Variants in AVEN observed in about 807,000 individuals in gnomAD.
AVEN encodes the protein apoptosis and caspase activation inhibitor.
Under a neutral mutation model 38.1 loss-of-function variants are expected in AVEN, and 41 were observed. That is an observed-to-expected ratio of 1.08 (90% confidence interval 0.84 to 1.40). The LOEUF is 1.40. AVEN is among the 40% of genes most tolerant of loss of function. AVEN has a pLI of 0.00. For synonymous variants in AVEN, 206 were observed against 171.8 expected (o/e 1.20, Z -1.56); for missense variants, 605 against 438.8 (o/e 1.38, Z -3.38).
At chr15:33,921,522 T>C (rs138374337) in intron 2 of AVEN, among the ~76,000 whole-genome samples, 3 of 152,252 alleles carry the variant, frequency 2.0e-5, no homozygotes, top group East Asian at 1.9e-4. Flanking sequence ...CAGCAATATA[T>C]AGTTGGCAAA....
upstream of AVEN, among the ~76,000 whole-genome samples, chr15:34,039,624 G>T (rs1421396002): frequency 1.3e-5 from 2 of 152,184 alleles, no homozygotes; most frequent in African/African-American, 4.8e-5. Context: ...TGTGTCTGGT[G>T]AGAGGTGGAC....
rs796352918 is a variant in AVEN at position 33,907,788 on chromosome 15, TAAA to T, written c.446-31796_446-31794del. Among the ~76,000 whole-genome samples, 3 of 107,750 alleles carry T rather than the reference TAAA, an allele frequency of 2.8e-5. No individual in the cohort carries two copies. In the Admixed American group the frequency reaches 2.9e-4, roughly 10 times the overall value. The allele number at this position is 107,750 out of a possible 152,430, so 70.7% of individuals were successfully genotyped here. A position where few individuals can be genotyped will look rare whatever the true frequency, so the allele number is the denominator to read the frequency against. On this transcript the variant is annotated intron_variant, in intron 2 of 5. Transcript: ENST00000306730. ...TCCTAATCCACAAAATTCCCAGCAC[TAAA>T]AAAAAAAAAAAAACTATATGGAGTA... is the stretch of plus-strand genomic sequence containing the variant.
intron 2 of AVEN, among the ~76,000 whole-genome samples, chr15:34,067,910 A>G (rs1900549805): frequency 6.6e-6 from 1 of 152,222 alleles, no homozygotes; most frequent in Non-Finnish European, 1.5e-5. Flanking sequence ...CTCTTGCCCA[A>G]TAAAGACCCC....
chr15:34,011,569 A>T (rs1897639684), intron 1 of AVEN, among the ~76,000 whole-genome samples: 1 of 152,220 alleles, frequency 6.6e-6, no homozygotes, highest in Admixed American at 6.5e-5. Context: ...TAGCAAAAGA[A>T]GTATATACAG....
intron 2 of AVEN, 76 bp downstream of exon 2, chr15:34,002,956 G>C (rs1219551049): frequency 7.8e-7 from 1 of 1,289,152 alleles, no homozygotes; most frequent in Non-Finnish European, 1.1e-6. Flanking sequence ...TATAAAAGTA[G>C]AATTTAAAAA....
chr15:33,864,767 G>C (rs1160297898), downstream of AVEN: 1 of 206,546 alleles, frequency 4.8e-6, no homozygotes, highest in Non-Finnish European at 9.8e-6. Flanking sequence ...CTGGTTTCCA[G>C]CTCTGGATTC....
intron 2 of AVEN, among the ~76,000 whole-genome samples, chr15:33,900,383 C>A (rs1407691711): frequency 2.0e-5 from 3 of 151,432 alleles, no homozygotes; most frequent in Non-Finnish European, 4.4e-5. Context: ...TCACAGCTTA[C>A]TGCAGCCTCA....
At chr15:33,995,212 T>C (rs1025610554) in intron 2 of AVEN, among the ~76,000 whole-genome samples, 3 of 152,086 alleles carry the variant, frequency 2.0e-5, no homozygotes, top group African/African-American at 7.2e-5. Context: ...TGCAGTGAGC[T>C]ATGATCATGC....
chr15:34,016,259 C>G (rs948336965), intron 1 of AVEN, among the ~76,000 whole-genome samples: 1 of 152,074 alleles, frequency 6.6e-6, no homozygotes, highest in Non-Finnish European at 1.5e-5. Context: ...AAAACAAAAC[C>G]GGAAAGCAAC....
chr15:33,863,341 G>C (rs1889202998), downstream of AVEN, among the ~76,000 whole-genome samples: 1 of 152,264 alleles, frequency 6.6e-6, no homozygotes, highest in Non-Finnish European at 1.5e-5. Flanking sequence ...AACATACTTA[G>C]AGCTGCTACT....
rs1597366797 is a variant in AVEN at position 34,026,336 on chromosome 15, T to C, written c.267+12444A>G. On this transcript the variant is annotated intron_variant, in intron 1 of 5. Transcript: ENST00000306730. ...TTTTTCCTACTATGTGACAGCAAAA[T>C]AGATGAAGCTTTTAACCTCAGGGTG... is the stretch of plus-strand genomic sequence containing the variant. Among the ~76,000 whole-genome samples the C allele has an allele frequency of 4.6e-5, 7 of 152,160 alleles. No individual in the cohort carries two copies. The South Asian group carries it at 1.2e-3, about 27-fold the overall frequency.
In AVEN at chr15:33,887,129, G is replaced by A. The variant is rs887752016; in HGVS notation, c.446-11134C>T. On this transcript the variant is annotated intron_variant, in intron 2 of 5. Transcript: ENST00000306730. ...CAAAGTATGTAAGATAATTTTTTTC[G>A]GGTGGCCATGAGTCCAGATAAGAAT... Among the ~76,000 whole-genome samples the A allele has an allele frequency of 5.9e-5, 9 of 151,742 alleles. 1 individual carries two copies. Among genetic ancestry groups the A allele is most frequent in the Admixed American group, 4.6e-4 (7 of 15,224 alleles).
chr15:33,861,907 G>C (rs1034530447), downstream of AVEN, among the ~76,000 whole-genome samples: 13 of 152,048 alleles, frequency 8.5e-5, no homozygotes, highest in African/African-American at 2.9e-4. Flanking sequence ...ACAGGTGTGA[G>C]CCACTGTGCC....
At chr15:34,025,392 C>T (rs1327596744) in intron 1 of AVEN, among the ~76,000 whole-genome samples, 1 of 152,128 alleles carries the variant, frequency 6.6e-6, no homozygotes, top group East Asian at 1.9e-4. Context: ...GAGCAGGAAG[C>T]AGGCAGCTGA....
At chr15:34,071,791 T>C (rs1410327043) in intron 1 of AVEN, among the ~76,000 whole-genome samples, 1 of 152,202 alleles carries the variant, frequency 6.6e-6, no homozygotes, top group African/African-American at 2.4e-5. Flanking sequence ...GGAGGACTAC[T>C]CTTTCTCCCT....
intron 2 of AVEN, among the ~76,000 whole-genome samples, chr15:33,881,771 A>G (rs1467208139): frequency 6.6e-6 from 1 of 152,206 alleles, no homozygotes. Context: ...TTTAAGTAAG[A>G]TAGCAAGGGG....
chr15:33,899,085 T>C (rs2077422), intron 2 of AVEN, among the ~76,000 whole-genome samples: 99,263 of 151,984 alleles, frequency 0.65, 32,595 homozygotes, highest in Middle Eastern at 0.74. Flanking sequence ...GGGGACCAGA[T>C]AGAAGGTGGT....
At chr15:33,864,783 G>A, downstream of AVEN, 1 of 223,960 alleles carries the variant, frequency 4.5e-6, no homozygotes, top group East Asian at 9.9e-5. Context: ...GATTCAGCAT[G>A]CAATAAACGT....
chr15:33,974,018 A>G (rs1000113118), intron 2 of AVEN, among the ~76,000 whole-genome samples: 7 of 152,206 alleles, frequency 4.6e-5, no homozygotes, highest in Admixed American at 4.6e-4. Context: ...TAATAGCTAT[A>G]AGGAGATAAT....
Sources: allele counts gnomAD v4.1 joint callset (sites outside exome capture counted in the v4.1 genomes callset), GRCh38; gene constraint gnomAD v4.1.1; transcripts MANE v1.5; gene names NCBI Gene and HGNC (gene_info 2026-07-23, HGNC 2026-07-21).